The following PLCXD3 variants were observed in gnomAD, a reference collection of about 807,000 sequenced individuals.
PLCXD3 encodes the protein phosphatidylinositol specific phospholipase C X domain containing 3, also known as PI-PLC X domain-containing protein 3.
In PLCXD3, 19 loss-of-function variants were observed where a neutral mutation model predicts 25.5. The observed-to-expected ratio is 0.75, with a 90% CI of 0.52 to 1.09. The LOEUF (loss-of-function observed/expected upper bound fraction) is 1.09. Ranked by LOEUF, PLCXD3 falls within the 50% of genes least tolerant of loss-of-function variation. The probability of loss-of-function intolerance (pLI) is 0.00; values close to 1 mark genes in which losing one functional copy is unlikely to be tolerated. For synonymous variants in PLCXD3, 174 were observed against 137.6 expected, an observed-to-expected ratio of 1.26 and a Z score of -1.85; for missense variants, 411 against 388.1, an observed-to-expected ratio of 1.06 and a Z score of -0.50.
intron 1 of PLCXD3, among the ~76,000 whole-genome samples, chr5:41,407,035 C>A (rs1376751011): frequency 6.6e-6 from 1 of 152,158 alleles, no homozygotes; most frequent in Non-Finnish European, 1.5e-5. Context: ...AGTCTGCCTG[C>A]CTGCCAGTAT....
chr5:41,465,405 T>C (rs1747995858), intron 1 of PLCXD3, among the ~76,000 whole-genome samples: 1 of 126,048 alleles, frequency 7.9e-6, no homozygotes, highest in Non-Finnish European at 1.6e-5. Context: ...ACTTGTATTC[T>C]CCAGAGATTT....
intron 1 of PLCXD3, among the ~76,000 whole-genome samples, chr5:41,419,418 G>T (rs1475645600): frequency 6.6e-6 from 1 of 152,102 alleles, no homozygotes; most frequent in Non-Finnish European, 1.5e-5. Context: ...GATTTCCTAG[G>T]ATATGATAGT....
chr5:41,455,788 C>G (rs943556760), intron 1 of PLCXD3, among the ~76,000 whole-genome samples: 3 of 151,878 alleles, frequency 2.0e-5, no homozygotes, highest in African/African-American at 7.3e-5. Flanking sequence ...TCTGAAAAGG[C>G]TTTAGGATCA....
rs993885564 is a variant in PLCXD3 at position 41,432,611 on chromosome 5, G to A, written c.104-50077C>T. On this transcript the variant is annotated intron_variant, in intron 1 of 2. Transcript: ENST00000377801. ...CAACCTGCCAGAGAAAAGCACATAA[G>A]AGAGCCAGCTTCCAAGAGGAAGGGC... 2.6e-5 allele frequency among the ~76,000 whole-genome samples: 4 copies of A among 152,172 alleles called. No homozygotes were observed. In the South Asian group the frequency reaches 6.2e-4, roughly 24 times the overall value.
In PLCXD3 at chr5:41,330,402, G is replaced by T. The variant is rs552321160; in HGVS notation, c.813-16632C>A. On this transcript the variant is annotated intron_variant, in intron 2 of 2. Transcript: ENST00000377801. ...CCTCCCAAGACTAAACCAGGAAGAG[G>T]TTGAATCTCTGAATAGAACAATAAC... Among the ~76,000 whole-genome samples the T allele has an allele frequency of 9.9e-5, 15 of 152,258 alleles. No individual in the cohort carries two copies. The East Asian group carries it at 2.9e-3, about 29-fold the overall frequency.
chr5:41,460,615 T>C (rs1747852370), intron 1 of PLCXD3, among the ~76,000 whole-genome samples: 1 of 151,986 alleles, frequency 6.6e-6, no homozygotes, highest in African/African-American at 2.4e-5. Context: ...ATTAAGTGTG[T>C]TTGCACACAA....
intron 1 of PLCXD3, among the ~76,000 whole-genome samples, chr5:41,393,403 T>G (rs1349648284): frequency 1.3e-5 from 2 of 152,142 alleles, no homozygotes; most frequent in Admixed American, 6.6e-5. Context: ...CAGGAGAAAG[T>G]GGCATAACAT....
At chr5:41,486,141 T>C (rs561117005) in intron 1 of PLCXD3, among the ~76,000 whole-genome samples, 2 of 152,272 alleles carry the variant, frequency 1.3e-5, no homozygotes, top group African/African-American at 2.4e-5. Flanking sequence ...AGTCTGGTGA[T>C]ACAAGCTTGT....
chr5:41,482,277 A>C (rs987896237), intron 1 of PLCXD3, among the ~76,000 whole-genome samples: 1 of 152,066 alleles, frequency 6.6e-6, no homozygotes, highest in Non-Finnish European at 1.5e-5. Flanking sequence ...TTAGTGTGTA[A>C]TTTCTGGATG....
intron 2 of PLCXD3, among the ~76,000 whole-genome samples, chr5:41,330,836 G>A (rs1160374640): frequency 2.6e-5 from 4 of 152,114 alleles, no homozygotes; most frequent in Admixed American, 2.6e-4. Context: ...CAGAGCCAAA[G>A]ACAAAAACCA....
intron 2 of PLCXD3, among the ~76,000 whole-genome samples, chr5:41,326,723 C>A (rs1743638378): frequency 6.6e-6 from 1 of 152,058 alleles, no homozygotes; most frequent in African/African-American, 2.4e-5. Context: ...ATGTTTTATG[C>A]CTCTTAAGCA....
intron 1 of PLCXD3, among the ~76,000 whole-genome samples, chr5:41,437,370 G>C (rs1288772454): frequency 1.3e-5 from 2 of 152,194 alleles, no homozygotes; most frequent in Admixed American, 1.3e-4. Flanking sequence ...GAAAGTGAAT[G>C]CATAAAATAC....
chr5:41,510,420 C>G lies in PLCXD3; in HGVS notation c.103+4G>C. On this transcript the variant is annotated splice_donor_region_variant and intron_variant, in intron 1 of 2. Transcript: ENST00000377801. ...CGCCTAGCCCGCAGCCCCTGCGCGC[C>G]TACCTGGAATGGCTAAATTGGTGAG... 1 of 1,606,184 alleles carries G rather than the reference C, an allele frequency of 6.2e-7. No homozygotes were observed. The highest frequency in any genetic ancestry group is 8.5e-7 in the Non-Finnish European group (1 of 1,176,324).
intron 1 of PLCXD3, among the ~76,000 whole-genome samples, chr5:41,414,997 A>C (rs974803096): frequency 6.6e-6 from 1 of 152,156 alleles, no homozygotes; most frequent in East Asian, 1.9e-4. Context: ...TTAATTTCTT[A>C]TTGTGTCTCA....
chr5:41,480,100 C>A (rs1748365464), intron 1 of PLCXD3, among the ~76,000 whole-genome samples: 1 of 152,166 alleles, frequency 6.6e-6, no homozygotes, highest in South Asian at 2.1e-4. Flanking sequence ...CGAGCTGAAG[C>A]TTTTCTGTTC....
At chr5:41,337,349 T>C (rs1222139696) in intron 2 of PLCXD3, among the ~76,000 whole-genome samples, 2 of 152,092 alleles carry the variant, frequency 1.3e-5, no homozygotes, top group African/African-American at 4.8e-5. Context: ...TCAGAAAACA[T>C]TTGTCATGGG....
chr5:41,475,357 ATCTGTCCCTG>A (rs1439564413), intron 1 of PLCXD3, among the ~76,000 whole-genome samples: 1 of 152,066 alleles, frequency 6.6e-6, no homozygotes, highest in African/African-American at 2.4e-5. Context: ...ATAGGACCCT[ATCTGTCCCTG>A]TCTGTCCCTG....
At chr5:41,465,067 T>C (rs1247447825) in intron 1 of PLCXD3, among the ~76,000 whole-genome samples, 1 of 152,110 alleles carries the variant, frequency 6.6e-6, no homozygotes, top group Non-Finnish European at 1.5e-5. Context: ...CCATTCTTTC[T>C]TTTAAAAATT....
At chr5:41,398,311 G>A (rs1411139109) in intron 1 of PLCXD3, among the ~76,000 whole-genome samples, 1 of 152,120 alleles carries the variant, frequency 6.6e-6, no homozygotes, top group Admixed American at 6.6e-5. Flanking sequence ...CTGGTTGTTT[G>A]AAGGTGTGTA....
Sources: gnomAD v4.1 joint callset for allele counts (sites outside exome capture counted in the v4.1 genomes callset) on GRCh38, gnomAD v4.1.1 for gene constraint, MANE v1.5 for transcripts, NCBI Gene and HGNC (gene_info 2026-07-23, HGNC 2026-07-21) for gene names.